SORBS2: variants seen among roughly 807,000 people sequenced by gnomAD.
SORBS2 encodes the protein sorbin and SH3 domain-containing protein 2.
A neutral mutation model predicts 97.7 loss-of-function variants in SORBS2; 46 were observed. The observed-to-expected ratio is 0.47, with a 90% CI of 0.37 to 0.60. SORBS2 has a LOEUF of 0.60. Ranked by LOEUF, SORBS2 falls within the 20% of genes least tolerant of loss-of-function variation. The probability of loss-of-function intolerance (pLI) is 0.00; values close to 1 mark genes in which losing one functional copy is unlikely to be tolerated. For missense variants in SORBS2, 1,316 were observed against 1,282.3 expected (o/e 1.03, Z -0.40); for synonymous variants, 476 against 473.4 (o/e 1.01, Z -0.07).
chr4:185,939,593 C>T (rs1045573290), intron 1 of SORBS2, among the ~76,000 whole-genome samples: 6 of 152,200 alleles, frequency 3.9e-5, no homozygotes, highest in African/African-American at 1.4e-4. Flanking sequence ...TCACCGCAAC[C>T]TCTGCCTCCC....
At chr4:185,594,042 G>T in intron 12 of SORBS2, 107 bp from the exon 25 acceptor site, 1 of 742,406 alleles carries the variant, frequency 1.3e-6, no homozygotes, top group Non-Finnish European at 2.3e-6. Context: ...ATTTCCTGTT[G>T]TAAAAAACCA....
At chr4:185,612,562 T>A (rs1296218923) in intron 11 of SORBS2, among the ~76,000 whole-genome samples, 1 of 151,086 alleles carries the variant, frequency 6.6e-6, no homozygotes, top group Non-Finnish European at 1.5e-5. Context: ...TGATCATGGC[T>A]CACTGCAACC....
At chr4:185,699,401 C>T (rs1287864711) in intron 2 of SORBS2, among the ~76,000 whole-genome samples, 1 of 150,752 alleles carries the variant, frequency 6.6e-6, no homozygotes, top group Non-Finnish European at 1.5e-5. Context: ...ATTCTCCTGC[C>T]TCATCCTGCA....
chr4:185,632,882 A>G (rs2096930884), intron 4 of SORBS2, among the ~76,000 whole-genome samples: 1 of 152,234 alleles, frequency 6.6e-6, no homozygotes, highest in Non-Finnish European at 1.5e-5. Context: ...CACTCAGAGA[A>G]AGTTCAGTAT....
intron 1 of SORBS2, among the ~76,000 whole-genome samples, chr4:185,830,549 G>T (rs543618581): frequency 3.3e-5 from 5 of 152,318 alleles, no homozygotes; most frequent in Non-Finnish European, 5.9e-5. Flanking sequence ...GATCTCTGAA[G>T]TGCAACCAAA....
intron 1 of SORBS2, among the ~76,000 whole-genome samples, chr4:185,806,672 A>C (rs2099157962): frequency 6.6e-6 from 1 of 151,304 alleles, no homozygotes; most frequent in East Asian, 1.9e-4. Context: ...TTTAGCCGGG[A>C]TGGTCTCGAT....
intron 1 of SORBS2, among the ~76,000 whole-genome samples, chr4:185,815,346 A>G (rs1174566808): frequency 6.6e-6 from 1 of 151,994 alleles, no homozygotes; most frequent in Non-Finnish European, 1.5e-5. Context: ...GGTATTTTTT[A>G]TATATATTTA....
At chr4:185,837,195 G>A (rs915689760) in intron 1 of SORBS2, among the ~76,000 whole-genome samples, 2 of 151,890 alleles carry the variant, frequency 1.3e-5, no homozygotes, top group Non-Finnish European at 2.9e-5. Flanking sequence ...AAATTGCCAA[G>A]TTTATATGGA....
At position 185,652,549 on chromosome 4, in the gene SORBS2, A is replaced by G. The variant is rs7683205; in HGVS notation, c.91+113T>C. 921 of 808,116 alleles carry G rather than the reference A, an allele frequency of 1.1e-3. 7 individuals are homozygous for G. In the African/African-American group the frequency reaches 0.014, roughly 13 times the overall value. 50.1% of individuals were successfully genotyped at this position (808,116 alleles called of 1,614,324 possible). ...AGGAGGCATGCTGAAAAGAAAGGGG[A>G]CACGGAGTTTGCTGGGGTCTTGACA... On this transcript the variant is annotated intron_variant, in intron 2 of 14. Transcript: ENST00000418609.
intron 2 of SORBS2, among the ~76,000 whole-genome samples, chr4:185,705,664 A>G (rs536034602): frequency 6.6e-4 from 101 of 152,350 alleles, no homozygotes; most frequent in African/African-American, 2.3e-3. Context: ...CTCAGCCTCT[A>G]ACAATATCTG....
chr4:185,655,350 A>G lies in SORBS2; in HGVS notation c.24+1265T>C, dbSNP rs1013146765. Among the ~76,000 whole-genome samples the G allele has an allele frequency of 5.3e-5, 8 of 152,220 alleles. No individual in the cohort carries two copies. The South Asian group carries it at 1.4e-3, about 28-fold the overall frequency. On this transcript the variant is annotated intron_variant, in intron 1 of 14. Transcript: ENST00000418609. ...GGCAAATACACTGAATCTGATCATCATTACTTTCTACACATGAGAAAGAAA... is the reference window on the plus strand; with the variant it reads ...GGCAAATACACTGAATCTGATCATCGTTACTTTCTACACATGAGAAAGAAA...
At chr4:185,755,367 T>G (rs1352535294) in intron 2 of SORBS2, among the ~76,000 whole-genome samples, 1 of 152,266 alleles carries the variant, frequency 6.6e-6, no homozygotes, top group Non-Finnish European at 1.5e-5. Context: ...ACTTGGAATG[T>G]GACCATAGAC....
intron 2 of SORBS2, among the ~76,000 whole-genome samples, chr4:185,716,311 C>T (rs140412830): frequency 6.6e-6 from 1 of 152,182 alleles, no homozygotes; most frequent in Admixed American, 6.5e-5. Flanking sequence ...GTGACTTATC[C>T]TCTCTCTGAA....
In SORBS2 at chr4:185,731,999, TGGA is replaced by T. The variant is rs2098644351; in HGVS notation, c.-198+43225_-198+43227del. On this transcript the variant is annotated intron_variant, in intron 2 of 20. Transcript: ENST00000284776. ...ATCACAAAATTATTATTGTAACTTG[TGGA>T]TAATAAATTTCAAAATCTGATGTCT... is the stretch of plus-strand genomic sequence containing the variant. Among the ~76,000 whole-genome samples, 3 of 150,982 alleles carry T rather than the reference TGGA, an allele frequency of 2.0e-5. No individual in the cohort carries two copies. In the East Asian group the frequency reaches 5.9e-4, roughly 30 times the overall value.
chr4:185,788,318 A>G (rs1232632354), intron 1 of SORBS2, among the ~76,000 whole-genome samples: 1 of 152,254 alleles, frequency 6.6e-6, no homozygotes, highest in African/African-American at 2.4e-5. Context: ...TAATTTCAGT[A>G]AGAATGGATT....
intron 1 of SORBS2, among the ~76,000 whole-genome samples, chr4:185,816,678 C>T (rs7673367): frequency 0.25 from 37,254 of 152,016 alleles, 4,760 homozygotes; most frequent in Middle Eastern, 0.33. Flanking sequence ...GAAGTATGAC[C>T]CTGATCAGTA....
chr4:185,836,469 TA>T (rs1465109447), intron 1 of SORBS2, among the ~76,000 whole-genome samples: 1 of 152,234 alleles, frequency 6.6e-6, no homozygotes, highest in Non-Finnish European at 1.5e-5. Context: ...AATAGTTTAG[TA>T]AAAGCAATTT....
chr4:185,929,086 A>G (rs1233236961), intron 1 of SORBS2, among the ~76,000 whole-genome samples: 1 of 152,202 alleles, frequency 6.6e-6, no homozygotes, highest in African/African-American at 2.4e-5. Context: ...AAACATTTGG[A>G]TGTAATCTTT....
At chr4:185,625,019 T>C (rs1298396035) in intron 6 of SORBS2, among the ~76,000 whole-genome samples, 1 of 152,248 alleles carries the variant, frequency 6.6e-6, no homozygotes, top group East Asian at 1.9e-4. Flanking sequence ...AATAATTTTT[T>C]GTGGGTTTTA....
Sources: gnomAD v4.1 joint callset for allele counts (sites outside exome capture counted in the v4.1 genomes callset) on GRCh38, gnomAD v4.1.1 for gene constraint, MANE v1.5 for transcripts, NCBI Gene and HGNC (gene_info 2026-07-23, HGNC 2026-07-21) for gene names.